Variants in SKAP1 observed in about 807,000 individuals in gnomAD.
SKAP1 encodes src kinase associated phosphoprotein 1, also known as src kinase-associated phosphoprotein 1.
SKAP1 carries 44 observed loss-of-function variants against 58.5 expected under a neutral mutation model. That is an observed-to-expected ratio of 0.75 (90% CI 0.59 to 0.97). The LOEUF is 0.97. SKAP1 is among the 50% of genes least tolerant of loss of function. The pLI is 0.00. For synonymous variants in SKAP1, 127 were observed against 149.7 expected (o/e 0.85, Z 1.11); for missense variants, 390 against 435.2 (o/e 0.90, Z 0.92).
chr17:48,380,933 C>T (rs1341894877), intron 2 of SKAP1, among the ~76,000 whole-genome samples: 2 of 152,156 alleles, frequency 1.3e-5, no homozygotes, highest in Non-Finnish European at 2.9e-5. Context: ...TGTATTTTCC[C>T]ATTGACATAA....
At chr17:48,353,938 G>GGAAGAAGAAGAAGAA (rs10695123) in intron 3 of SKAP1, among the ~76,000 whole-genome samples, 1 of 144,734 alleles carries the variant, frequency 6.9e-6, no homozygotes, top group Non-Finnish European at 1.5e-5. Flanking sequence ...AAGAAGAAGA[G>GGAAGAAGAAGAAGAA]GAAGAAGAAG....
intron 4 of SKAP1, among the ~76,000 whole-genome samples, chr17:48,211,670 A>G (rs539011912): frequency 6.6e-6 from 1 of 152,352 alleles, no homozygotes; most frequent in Non-Finnish European, 1.5e-5. Context: ...TCTCTCATTT[A>G]TCCATAAATT....
At chr17:48,216,073 G>A (rs2064935592) in intron 4 of SKAP1, among the ~76,000 whole-genome samples, 1 of 152,120 alleles carries the variant, frequency 6.6e-6, no homozygotes, top group Non-Finnish European at 1.5e-5. Flanking sequence ...GCCCACCTTT[G>A]TGAAATTACC....
chr17:48,315,118 T>A (rs2066271067), intron 4 of SKAP1, among the ~76,000 whole-genome samples: 1 of 152,076 alleles, frequency 6.6e-6, no homozygotes, highest in African/African-American at 2.4e-5. Flanking sequence ...AAAATATAAC[T>A]AAAACAAACT....
intron 4 of SKAP1, among the ~76,000 whole-genome samples, chr17:48,288,110 C>A (rs1458790866): frequency 6.6e-6 from 1 of 152,042 alleles, no homozygotes. Flanking sequence ...ATATTGAATT[C>A]TCTAATTGAT....
intron 4 of SKAP1, among the ~76,000 whole-genome samples, chr17:48,220,535 T>G (rs1183862845): frequency 6.6e-6 from 1 of 152,094 alleles, no homozygotes; most frequent in Non-Finnish European, 1.5e-5. Flanking sequence ...GTAGTTATTT[T>G]GGTGGAGATA....
intron 6 of SKAP1, among the ~76,000 whole-genome samples, chr17:48,186,908 A>G (rs2064461599): frequency 6.6e-6 from 1 of 152,144 alleles, no homozygotes; most frequent in African/African-American, 2.4e-5. Context: ...AGAAACAGAA[A>G]ATGATTGCAA....
chr17:48,177,237 C>T (rs563797869), intron 9 of SKAP1, among the ~76,000 whole-genome samples: 5 of 152,238 alleles, frequency 3.3e-5, no homozygotes, highest in African/African-American at 1.2e-4. Flanking sequence ...AGGTCTGGTT[C>T]GAGAGGGCAG....
intron 1 of SKAP1, among the ~76,000 whole-genome samples, chr17:48,407,936 A>T (rs993626821): frequency 6.6e-6 from 1 of 151,716 alleles, no homozygotes; most frequent in Admixed American, 6.6e-5. Flanking sequence ...GAGGGGGGGG[A>T]ATCCAGTAAA....
At chr17:48,233,792 G>C (rs1269545529) in intron 4 of SKAP1, among the ~76,000 whole-genome samples, 4 of 152,054 alleles carry the variant, frequency 2.6e-5, no homozygotes, top group Non-Finnish European at 5.9e-5. Context: ...GGAGGCAGAG[G>C]TTGCAATGGG....
intron 4 of SKAP1, among the ~76,000 whole-genome samples, chr17:48,277,115 T>C (rs2144016506): frequency 6.6e-6 from 1 of 152,364 alleles, no homozygotes; most frequent in East Asian, 1.9e-4. Context: ...ACTTCTTTTA[T>C]ATTACAGAAA....
At chr17:48,341,500 A>C (rs997007854) in intron 4 of SKAP1, among the ~76,000 whole-genome samples, 2 of 152,214 alleles carry the variant, frequency 1.3e-5, no homozygotes, top group African/African-American at 2.4e-5. Flanking sequence ...AAAAGTGCTA[A>C]AAATAGCACT....
intron 1 of SKAP1, among the ~76,000 whole-genome samples, chr17:48,405,543 C>T (rs982018105): frequency 5.4e-5 from 8 of 148,584 alleles, no homozygotes; most frequent in Admixed American, 4.1e-4. Context: ...ACTCTTGTCA[C>T]CCAGGCTGGA....
At chr17:48,289,645 C>A (rs998605465) in intron 4 of SKAP1, among the ~76,000 whole-genome samples, 14 of 151,518 alleles carry the variant, frequency 9.2e-5, no homozygotes, top group African/African-American at 3.2e-4. Context: ...AAGTTCATTA[C>A]AGAAAAAAAT....
the SKAP1 span, among the ~76,000 whole-genome samples, chr17:48,435,905 G>A: frequency 6.6e-6 from 1 of 152,216 alleles, no homozygotes; most frequent in African/African-American, 2.4e-5. Flanking sequence ...AATACAGACA[G>A]AAACACTAGA....
At chr17:48,254,056 G>T (rs992841634) in intron 4 of SKAP1, among the ~76,000 whole-genome samples, 1 of 152,098 alleles carries the variant, frequency 6.6e-6, no homozygotes, top group African/African-American at 2.4e-5. Flanking sequence ...GAAAGCTCTG[G>T]AATTAATATC....
At chr17:48,361,599 G>C (rs7214998) in intron 3 of SKAP1, among the ~76,000 whole-genome samples, 2,235 of 152,280 alleles carry the variant, frequency 0.015, 39 homozygotes, top group African/African-American at 0.047. Flanking sequence ...CCAGGCACCA[G>C]ACCTGGTTTA....
At chr17:48,296,632 T>C (rs1382856308) in intron 4 of SKAP1, among the ~76,000 whole-genome samples, 1 of 152,182 alleles carries the variant, frequency 6.6e-6, no homozygotes, top group Non-Finnish European at 1.5e-5. Flanking sequence ...AAGTGGTAAG[T>C]TTTTGTTCAA....
chr17:48,250,280 T>TGG (rs1164123364), intron 4 of SKAP1, among the ~76,000 whole-genome samples: 2 of 71,582 alleles, frequency 2.8e-5, no homozygotes, highest in Non-Finnish European at 6.0e-5. Context: ...CAGTTTTTTT[T>TGG]TTTTTTTTTT....
Sources: gnomAD v4.1 joint callset for allele counts (sites outside exome capture counted in the v4.1 genomes callset) on GRCh38, gnomAD v4.1.1 for gene constraint, MANE v1.5 for transcripts, NCBI Gene and HGNC (gene_info 2026-07-23, HGNC 2026-07-21) for gene names.